The following CDIN1 variants were observed in gnomAD, a reference collection of about 807,000 sequenced individuals.
CDIN1 encodes CDAN1-interacting nuclease 1.
CDIN1 carries 33 observed loss-of-function variants against 45.3 expected under a neutral mutation model. The ratio of observed to expected loss-of-function variants is 0.73; its 90% CI spans 0.55 to 0.97. The LOEUF (loss-of-function observed/expected upper bound fraction) is 0.97. Ranked by LOEUF, CDIN1 falls within the 50% of genes least tolerant of loss-of-function variation. The pLI, the probability that CDIN1 is intolerant of heterozygous loss-of-function variation, is 0.00. For missense variants in CDIN1, 303 were observed against 339.4 expected (o/e 0.89, Z 0.84); for synonymous variants, 118 against 124.4 (o/e 0.95, Z 0.34).
chr15:36,801,720 T>C (rs768546850), intron 10 of CDIN1, among the ~76,000 whole-genome samples: 26 of 152,336 alleles, frequency 1.7e-4, no homozygotes, highest in Non-Finnish European at 3.2e-4. Context: ...CTCTGAACTT[T>C]ATGTAGTGAT....
At chr15:36,638,267 A>G (rs1421329576) in intron 1 of CDIN1, among the ~76,000 whole-genome samples, 2 of 152,186 alleles carry the variant, frequency 1.3e-5, no homozygotes, top group African/African-American at 4.8e-5. Context: ...ACATAGAGCA[A>G]AAACACAGGA....
intron 10 of CDIN1, among the ~76,000 whole-genome samples, chr15:36,714,286 C>A (rs1206635136): frequency 6.6e-6 from 1 of 152,052 alleles, no homozygotes; most frequent in Non-Finnish European, 1.5e-5. Flanking sequence ...GACAAATGCA[C>A]TTTATAAAGG....
At chr15:36,801,820 G>T (rs1264397471) in intron 10 of CDIN1, among the ~76,000 whole-genome samples, 4 of 152,122 alleles carry the variant, frequency 2.6e-5, no homozygotes, top group Non-Finnish European at 4.4e-5. Context: ...CATTTCTTTT[G>T]CCAGAATTAT....
intron 10 of CDIN1, among the ~76,000 whole-genome samples, chr15:36,754,453 G>A (rs142255770): frequency 1.2e-4 from 18 of 151,410 alleles, no homozygotes; most frequent in East Asian, 9.8e-4. Flanking sequence ...GTATTCAGAA[G>A]TCAGGCCTAA....
intron 10 of CDIN1, among the ~76,000 whole-genome samples, chr15:36,764,221 T>G (rs1292915263): frequency 1.7e-5 from 2 of 120,732 alleles, no homozygotes; most frequent in African/African-American, 2.8e-5. Context: ...TTGGTTTTTT[T>G]TTTTTTTTTT....
intron 1 of CDIN1, among the ~76,000 whole-genome samples, chr15:36,639,309 A>G (rs1178047707): frequency 1.3e-5 from 2 of 152,216 alleles, no homozygotes; most frequent in Non-Finnish European, 2.9e-5. Context: ...AAAAAATAAT[A>G]AAAATAAAAA....
intron 1 of CDIN1, among the ~76,000 whole-genome samples, chr15:36,583,828 AAC>A (rs1436782956): frequency 1.3e-5 from 2 of 152,146 alleles, no homozygotes; most frequent in African/African-American, 2.4e-5. Context: ...CATCCTGGCT[AAC>A]ACAGTGAAAC....
chr15:36,724,156 G>A (rs780184754), intron 10 of CDIN1, among the ~76,000 whole-genome samples: 4 of 152,152 alleles, frequency 2.6e-5, no homozygotes, highest in African/African-American at 4.8e-5. Flanking sequence ...GAAGAGTGAC[G>A]TGATTAGGAC....
chr15:36,707,016 A>G (rs907052030), intron 8 of CDIN1: 2 of 152,062 alleles, frequency 1.3e-5, no homozygotes, highest in African/African-American at 4.8e-5. Flanking sequence ...CCATCATTTC[A>G]TCTGAACTTT....
intron 1 of CDIN1, chr15:36,591,931 A>G (rs547306173): frequency 2.2e-4 from 34 of 152,340 alleles, no homozygotes; most frequent in African/African-American, 7.9e-4. Context: ...AATGAAGCTG[A>G]CCTGGTTGGT....
In CDIN1 at chr15:36,701,812, C is replaced by A. The variant is rs186736459; in HGVS notation, c.544+4422C>A. Among the ~76,000 whole-genome samples the A allele has an allele frequency of 3.5e-4, 53 of 152,276 alleles. No homozygotes were observed. In the East Asian group the frequency reaches 3.7e-3, roughly 11 times the overall value. On this transcript the variant is annotated intron_variant, in intron 8 of 10. Coordinates refer to ENST00000566621, the MANE Select transcript of CDIN1 (RefSeq NM_001321759.2). ...AAATTTTACAGGGGTGCTTGTGTAG[C>A]ATTTGTGTATTACTCTGTGGGACTC... is the stretch of plus-strand genomic sequence containing the variant.
intron 5 of CDIN1, among the ~76,000 whole-genome samples, chr15:36,673,205 A>T (rs1418886040): frequency 6.6e-6 from 1 of 152,066 alleles, no homozygotes; most frequent in African/African-American, 2.4e-5. Flanking sequence ...AGATTTGCAG[A>T]GCTGTCTCCG....
intron 1 of CDIN1, among the ~76,000 whole-genome samples, chr15:36,637,638 G>A (rs1222966261): frequency 1.3e-5 from 2 of 152,186 alleles, no homozygotes; most frequent in Non-Finnish European, 2.9e-5. Context: ...AGAAATGCGT[G>A]TGAATGTACA....
At chr15:36,805,597 A>AG (rs2055201778) in intron 10 of CDIN1, among the ~76,000 whole-genome samples, 1 of 152,174 alleles carries the variant, frequency 6.6e-6, no homozygotes, top group Non-Finnish European at 1.5e-5. Flanking sequence ...CACCTCTTCT[A>AG]CCATTTTTGA....
intron 4 of CDIN1, among the ~76,000 whole-genome samples, chr15:36,656,917 T>G (rs139968048): frequency 0.012 from 1,789 of 152,262 alleles, 52 homozygotes; most frequent in South Asian, 0.11. Context: ...TGATAATATA[T>G]GAGGAATGTT....
intron 10 of CDIN1, among the ~76,000 whole-genome samples, chr15:36,780,588 A>C (rs1323151823): frequency 2.6e-5 from 4 of 152,096 alleles, no homozygotes; most frequent in African/African-American, 9.7e-5. Context: ...CAGTGGAAAA[A>C]CCTTGAAGAG....
chr15:36,580,302 G>T (rs997957497), intron 1 of CDIN1, among the ~76,000 whole-genome samples: 2 of 152,182 alleles, frequency 1.3e-5, no homozygotes, highest in African/African-American at 4.8e-5. Flanking sequence ...ATGAATGATG[G>T]GTGGGAATAT....
intron 10 of CDIN1, among the ~76,000 whole-genome samples, chr15:36,751,963 C>T (rs1262527870): frequency 6.6e-6 from 1 of 152,122 alleles, no homozygotes. Context: ...CACATAGACA[C>T]ATGGGTGGGG....
chr15:36,624,737 A>G (rs2039341670), intron 1 of CDIN1, among the ~76,000 whole-genome samples: 3 of 152,154 alleles, frequency 2.0e-5, no homozygotes, highest in African/African-American at 4.8e-5. Context: ...GAAGACAGGG[A>G]AAAAGTATGA....
Sources: allele counts gnomAD v4.1 joint callset (sites outside exome capture counted in the v4.1 genomes callset), GRCh38; gene constraint gnomAD v4.1.1; transcripts MANE v1.5; gene names NCBI Gene and HGNC (gene_info 2026-07-23, HGNC 2026-07-21).